SLC39A8: variants seen among roughly 807,000 people sequenced by gnomAD.
SLC39A8 encodes the protein solute carrier family 39 member 8.
In SLC39A8, 15 loss-of-function variants were observed where a neutral mutation model predicts 40.4. The ratio of observed to expected loss-of-function variants is 0.37; its 90% CI spans 0.25 to 0.57. The LOEUF is 0.57. Ranked by LOEUF, SLC39A8 falls within the 20% of genes least tolerant of loss-of-function variation. The probability of loss-of-function intolerance (pLI) is 0.75; values close to 1 mark genes in which losing one functional copy is unlikely to be tolerated. For missense variants in SLC39A8, 472 were observed against 558.8 expected (o/e 0.84, Z 1.57); for synonymous variants, 223 against 221.6 (o/e 1.01, Z -0.06).
chr4:102,326,780 C>G lies in SLC39A8; in HGVS notation c.220-10950G>C, dbSNP rs139633558. On this transcript the variant is annotated intron_variant, in intron 2 of 8. Transcript: ENST00000356736. The stretch of plus-strand genomic sequence containing the variant: ...AATCTAGCAGATAAAAATGACACAC[C>G]AGCAGAGAGAGCCCTTATGTACCAC... 4.9e-4 allele frequency among the ~76,000 whole-genome samples: 75 copies of G among 152,018 alleles called. No individual in the cohort carries two copies. The Middle Eastern group carries it at 0.02, about 41-fold the overall frequency.
chr4:102,280,017 G>T (rs1293668707), intron 6 of SLC39A8, among the ~76,000 whole-genome samples: 1 of 152,180 alleles, frequency 6.6e-6, no homozygotes, highest in East Asian at 1.9e-4. Context: ...TGCTCAGCAG[G>T]TTCCAGACAG....
intron 2 of SLC39A8, among the ~76,000 whole-genome samples, chr4:102,339,785 A>G (rs542939132): frequency 1.3e-5 from 2 of 152,222 alleles, no homozygotes; most frequent in Middle Eastern, 3.4e-3. Context: ...TCCACTGCAG[A>G]TGGCTCCTTA....
At position 102,267,895 on chromosome 4, in the gene SLC39A8, C is replaced by A; in HGVS notation, c.1025G>T (p.Cys342Phe). 1.9e-6 allele frequency: 3 copies of A among 1,614,068 alleles called. No homozygotes were observed. The highest frequency in any genetic ancestry group is 2.5e-6 in the Non-Finnish European group (3 of 1,179,990). ...QGLSTSIAILCEEFPHELGDF... is the reference protein window; with the variant it reads ...QGLSTSIAILFEEFPHELGDF... ...ACCTAACTCGTGGGGAAACTCCTCACATAGGATTGCTATGGAAGTACTGAG... is the reference window on the plus strand; with the variant it reads ...ACCTAACTCGTGGGGAAACTCCTCAAATAGGATTGCTATGGAAGTACTGAG... Residue 342 changes from cysteine (C) to phenylalanine (F), a missense_variant, in exon 7 of 9, where the codon TGT (cysteine) becomes TTT (phenylalanine). Physicochemically the swap from Cys to Phe is radical, Grantham distance 205 (BLOSUM62 -2). This residue lies in a region of SLC39A8 where 239 missense variants were observed against 317.9 expected (regional missense o/e 0.75). Coordinates refer to ENST00000356736, the MANE Select transcript of SLC39A8 (RefSeq NM_001135146.2).
intron 2 of SLC39A8, among the ~76,000 whole-genome samples, chr4:102,322,539 G>A (rs1381898): frequency 0.016 from 2,473 of 152,192 alleles, 69 homozygotes; most frequent in African/African-American, 0.057. Flanking sequence ...ACTTCTTCCT[G>A]TTCTCCACAC....
intron 6 of SLC39A8, among the ~76,000 whole-genome samples, chr4:102,292,850 T>TA (rs1014042448): frequency 1.3e-5 from 2 of 152,108 alleles, no homozygotes; most frequent in African/African-American, 4.8e-5. Context: ...GTCATAACTT[T>TA]AAAAATATTT....
Position 102,344,605 on chromosome 4 carries a change from C to T in SLC39A8, c.58G>A (p.Gly20Arg). 1 of 1,541,348 alleles carries T rather than the reference C, an allele frequency of 6.5e-7. No homozygotes were observed. The highest frequency in any genetic ancestry group is 2.5e-5 in the East Asian group (1 of 39,824). ...LLLLAAAGLG[G>R]VAEGPGLAFS... is the part of the protein sequence containing the mutation. ...GCTAGCCCTGGCCCCTCCGCCACTCCTCCGAGGCCGGCGGCCGCCAGCAAC... is the reference window on the plus strand; with the variant it reads ...GCTAGCCCTGGCCCCTCCGCCACTCTTCCGAGGCCGGCGGCCGCCAGCAAC... The change falls in exon 2 of 9, where the codon GGA (glycine) becomes AGA (arginine). Residue 20 changes from glycine to arginine, a missense_variant. Physicochemically the swap from Gly to Arg is moderately radical, Grantham distance 125. Transcript: ENST00000356736.
intron 6 of SLC39A8, among the ~76,000 whole-genome samples, chr4:102,271,143 G>C (rs1237039046): frequency 6.6e-6 from 1 of 151,840 alleles, no homozygotes; most frequent in Non-Finnish European, 1.5e-5. Flanking sequence ...AGGAGGAAAA[G>C]GAAAACAGGG....
chr4:102,317,334 T>C (rs953440606), intron 2 of SLC39A8, among the ~76,000 whole-genome samples: 1 of 152,132 alleles, frequency 6.6e-6, no homozygotes, highest in Admixed American at 6.5e-5. Context: ...TTACAGAAAA[T>C]GCACATTTAG....
At chr4:102,327,808 C>T (rs937604737) in intron 2 of SLC39A8, among the ~76,000 whole-genome samples, 1 of 152,212 alleles carries the variant, frequency 6.6e-6, no homozygotes, top group African/African-American at 2.4e-5. Flanking sequence ...AACTAGCACA[C>T]TGTGTTTGAA....
At chr4:102,254,445 T>A (rs1256831854) in intron 11 of SLC39A8, among the ~76,000 whole-genome samples, 1 of 152,256 alleles carries the variant, frequency 6.6e-6, no homozygotes, top group Non-Finnish European at 1.5e-5. Flanking sequence ...TACAATGGTT[T>A]ATCATAATTT....
At chr4:102,268,686 T>C (rs760208219) in intron 6 of SLC39A8, among the ~76,000 whole-genome samples, 34 of 152,238 alleles carry the variant, frequency 2.2e-4, no homozygotes, top group Non-Finnish European at 4.1e-4. Context: ...GCTGTAACAA[T>C]ATGGTCTCTA....
chr4:102,310,589 TG>T (rs1486852448), intron 3 of SLC39A8, among the ~76,000 whole-genome samples: 2 of 152,102 alleles, frequency 1.3e-5, no homozygotes, highest in African/African-American at 4.8e-5. Flanking sequence ...CAGCACAACT[TG>T]GGGGATGGTG....
chr4:102,296,546 T>G (rs565114170), intron 6 of SLC39A8, among the ~76,000 whole-genome samples: 2 of 152,224 alleles, frequency 1.3e-5, no homozygotes, highest in East Asian at 1.9e-4. Flanking sequence ...ATTATTTCAC[T>G]TTCACAAAAA....
intron 6 of SLC39A8, among the ~76,000 whole-genome samples, chr4:102,272,550 C>G (rs551380085): frequency 6.6e-6 from 1 of 152,222 alleles, no homozygotes; most frequent in South Asian, 2.1e-4. Flanking sequence ...CGCCACTGCA[C>G]TCCAGCTGGG....
At chr4:102,257,329 A>AT (rs1045000618), downstream of SLC39A8, among the ~76,000 whole-genome samples, 3 of 151,938 alleles carry the variant, frequency 2.0e-5, no homozygotes, top group African/African-American at 7.3e-5. Flanking sequence ...TTATTTATTT[A>AT]TTTTTAATTG....
chr4:102,293,895 A>G (rs1474806477), intron 6 of SLC39A8, among the ~76,000 whole-genome samples: 1 of 151,620 alleles, frequency 6.6e-6, no homozygotes, highest in African/African-American at 2.4e-5. Flanking sequence ...GTGTGGTGGT[A>G]GGTCAGAGTT....
intron 6 of SLC39A8, among the ~76,000 whole-genome samples, chr4:102,271,464 G>GAT (rs1047842853): frequency 1.2e-4 from 19 of 152,254 alleles, no homozygotes; most frequent in African/African-American, 4.3e-4. Flanking sequence ...GCAGAGGGAG[G>GAT]ATATATATAG....
chr4:102,327,715 C>T (rs1330473558), intron 2 of SLC39A8, among the ~76,000 whole-genome samples: 1 of 152,232 alleles, frequency 6.6e-6, no homozygotes, highest in South Asian at 2.1e-4. Context: ...CCTAATAAGT[C>T]CTTGGACACA....
chr4:102,304,064 T>A (rs1460369933), intron 6 of SLC39A8, among the ~76,000 whole-genome samples: 1 of 151,896 alleles, frequency 6.6e-6, no homozygotes, highest in Non-Finnish European at 1.5e-5. Context: ...GACTCTCATA[T>A]AGTAAATAAT....
Sources: gnomAD v4.1 joint callset for allele counts (sites outside exome capture counted in the v4.1 genomes callset) on GRCh38, gnomAD v4.1.1 for gene constraint, gnomAD v4.1.1 regional missense constraint, MANE v1.5 for transcripts, NCBI Gene and HGNC (gene_info 2026-07-23, HGNC 2026-07-21) for gene names.